Variants in ADAMTSL1 observed in about 807,000 individuals in gnomAD.
The protein encoded by ADAMTSL1 is ADAMTS-like protein 1.
A neutral mutation model predicts 201.8 loss-of-function variants in ADAMTSL1; 126 were observed. That is an observed-to-expected ratio of 0.62 (90% confidence interval 0.54 to 0.72). The LOEUF is 0.72. Ranked by LOEUF, ADAMTSL1 falls within the 30% of genes least tolerant of loss-of-function variation. ADAMTSL1 has a pLI of 0.00. For synonymous variants in ADAMTSL1, 1,121 were observed against 903.4 expected (o/e 1.24, Z -4.32); for missense variants, 2,679 against 2,277.8 (o/e 1.18, Z -3.59).
intron 2 of ADAMTSL1, among the ~76,000 whole-genome samples, chr9:18,301,953 A>G (rs145965363): frequency 4.9e-4 from 75 of 152,320 alleles, no homozygotes; most frequent in African/African-American, 1.7e-3. Flanking sequence ...GCTATCTTCA[A>G]GTCCCCTGCA....
At chr9:18,422,473 T>A (rs866824315) in intron 2 of ADAMTSL1, among the ~76,000 whole-genome samples, 1 of 152,198 alleles carries the variant, frequency 6.6e-6, no homozygotes, top group Non-Finnish European at 1.5e-5. Flanking sequence ...CATGCATTTT[T>A]TTTGAACCAG....
chr9:17,958,004 C>T (rs1325990314), intron 1 of ADAMTSL1, among the ~76,000 whole-genome samples: 1 of 152,174 alleles, frequency 6.6e-6, no homozygotes, highest in Non-Finnish European at 1.5e-5. Context: ...GTAATTGTGA[C>T]AGTCATAGGA....
chr9:18,868,649 T>C (rs1433830), intron 23 of ADAMTSL1, among the ~76,000 whole-genome samples: 92,420 of 152,046 alleles, frequency 0.61, 28,713 homozygotes, highest in African/African-American at 0.74. Context: ...GCTCACAGCT[T>C]CCTGGTTGCT....
intron 2 of ADAMTSL1, among the ~76,000 whole-genome samples, chr9:18,443,966 T>C (rs1820093916): frequency 6.6e-6 from 1 of 152,236 alleles, no homozygotes; most frequent in Non-Finnish European, 1.5e-5. Context: ...GGAGATGATC[T>C]TGTGTTCTAA....
At chr9:18,644,093 G>C (rs1827623019) in intron 7 of ADAMTSL1, among the ~76,000 whole-genome samples, 1 of 151,542 alleles carries the variant, frequency 6.6e-6, no homozygotes, top group African/African-American at 2.4e-5. Context: ...TCACTTTCTT[G>C]ATTAAATTTA....
chr9:18,778,608 A>G (rs532871555), intron 19 of ADAMTSL1, among the ~76,000 whole-genome samples: 1 of 152,330 alleles, frequency 6.6e-6, no homozygotes, highest in East Asian at 1.9e-4. Flanking sequence ...TACTTTGTAC[A>G]TATTTTGTCT....
intron 1 of ADAMTSL1, among the ~76,000 whole-genome samples, chr9:17,926,198 C>G (rs532385035): frequency 6.6e-6 from 1 of 152,234 alleles, no homozygotes; most frequent in South Asian, 2.1e-4. Context: ...ATGTTTCTTT[C>G]AGACATCACC....
At chr9:18,534,568 C>G (rs1236688751) in intron 3 of ADAMTSL1, among the ~76,000 whole-genome samples, 8 of 152,228 alleles carry the variant, frequency 5.3e-5, no homozygotes. Context: ...GTTGAAGAAG[C>G]TCTTTCCTCA....
chr9:18,419,230 A>G (rs1012556154), intron 2 of ADAMTSL1, among the ~76,000 whole-genome samples: 4 of 152,218 alleles, frequency 2.6e-5, no homozygotes, highest in Admixed American at 6.5e-5. Flanking sequence ...TCAAAGTGTA[A>G]AACTATAAAA....
chr9:18,746,450 C>T (rs1819149750), intron 15 of ADAMTSL1, among the ~76,000 whole-genome samples: 1 of 152,152 alleles, frequency 6.6e-6, no homozygotes, highest in African/African-American at 2.4e-5. Context: ...AATCACAGGA[C>T]AGAAGTGTTG....
At chr9:18,263,582 T>G (rs1179253450) in intron 2 of ADAMTSL1, among the ~76,000 whole-genome samples, 2 of 152,198 alleles carry the variant, frequency 1.3e-5, no homozygotes, top group Admixed American at 1.3e-4. Context: ...CGAAGCCAAA[T>G]TTTTAGCTAC....
In ADAMTSL1 at chr9:18,639,420, TA is replaced by T; in HGVS notation, c.834+10del. ...CAGATTTCATTGTCAAGGTGAGCCCTATTTAGATACCTCCTTTTCAAGCCAC... is the reference window on the plus strand; with the variant it reads ...CAGATTTCATTGTCAAGGTGAGCCCTTTTAGATACCTCCTTTTCAAGCCAC... On this transcript the variant is annotated intron_variant, in intron 7 of 28. Transcript: ENST00000380548. 6.2e-7 allele frequency: 1 copy of T among 1,608,000 alleles called. No individual in the cohort carries two copies. The highest frequency in any genetic ancestry group is 1.1e-5 in the South Asian group (1 of 90,450).
intron 3 of ADAMTSL1, among the ~76,000 whole-genome samples, chr9:18,558,773 T>G (rs530287289): frequency 6.6e-6 from 1 of 152,290 alleles, no homozygotes; most frequent in South Asian, 2.1e-4. Flanking sequence ...GATGATGAGT[T>G]TTTTTTCGTA....
At chr9:18,804,755 A>G (rs961791333) in intron 20 of ADAMTSL1, among the ~76,000 whole-genome samples, 3 of 152,332 alleles carry the variant, frequency 2.0e-5, no homozygotes, top group South Asian at 4.1e-4. Context: ...CATTTCAGAG[A>G]AAATTTGAAG....
chr9:18,626,878 C>CTTTCTTTCTCTCTGTCTTT (rs1461320087), intron 5 of ADAMTSL1, among the ~76,000 whole-genome samples: 1 of 90,004 alleles, frequency 1.1e-5, no homozygotes, highest in African/African-American at 5.9e-5. Context: ...TGTCTTTCTT[C>CTTTCTTTCTCTCTGTCTTT]CTTCCTTCCT....
intron 2 of ADAMTSL1, among the ~76,000 whole-genome samples, chr9:18,302,995 G>A (rs989457709): frequency 6.6e-6 from 1 of 152,124 alleles, no homozygotes; most frequent in African/African-American, 2.4e-5. Context: ...TAATAATGGT[G>A]CTTTAATACA....
intron 1 of ADAMTSL1, among the ~76,000 whole-genome samples, chr9:18,136,920 G>A (rs1216934331): frequency 6.6e-6 from 1 of 152,108 alleles, no homozygotes; most frequent in South Asian, 2.1e-4. Flanking sequence ...TTGTAAGGAG[G>A]GTCAACAATG....
intron 2 of ADAMTSL1, among the ~76,000 whole-genome samples, chr9:18,223,592 A>C (rs1426074058): frequency 6.6e-6 from 1 of 152,046 alleles, no homozygotes; most frequent in African/African-American, 2.4e-5. Flanking sequence ...TAGAAATTCA[A>C]TTTGTTTATT....
chr9:18,128,414 G>C (rs903205208), intron 1 of ADAMTSL1, among the ~76,000 whole-genome samples: 1 of 152,136 alleles, frequency 6.6e-6, no homozygotes, highest in African/African-American at 2.4e-5. Context: ...CCAGGCTGCA[G>C]CGTAGTGGTG....
Sources: allele counts gnomAD v4.1 joint callset (sites outside exome capture counted in the v4.1 genomes callset), GRCh38; gene constraint gnomAD v4.1.1; transcripts MANE v1.5; gene names NCBI Gene and HGNC (gene_info 2026-07-23, HGNC 2026-07-21).